Variants in DUOX2 observed in about 807,000 individuals in gnomAD.
DUOX2 encodes the protein NADH/NADPH thyroid oxidase p138-tox.
A neutral mutation model predicts 183.3 loss-of-function variants in DUOX2; 185 were observed. The ratio of observed to expected loss-of-function variants is 1.01; its 90% CI spans 0.90 to 1.14. The LOEUF is 1.14. DUOX2 is among the 50% of genes most tolerant of loss of function. The pLI is 0.00. For synonymous variants in DUOX2, 788 were observed against 812.4 expected, an observed-to-expected ratio of 0.97 and a Z score of 0.51; for missense variants, 1,999 against 2,022.9, an observed-to-expected ratio of 0.99 and a Z score of 0.23.
intron 18 of DUOX2, 46 bp from the exon 19 acceptor site, chr15:45,104,411 G>A (rs1894162587): frequency 6.3e-7 from 1 of 1,588,614 alleles, no homozygotes. Context: ...AGGAGGTGAA[G>A]CCTATGCTGG....
rs188925579 is a variant in DUOX2, at chr15:45,102,524, T to A, written c.2655-535A>T. On this transcript the variant is annotated intron_variant, in intron 20 of 33. Coordinates refer to ENST00000389039, the MANE Select transcript of DUOX2 (RefSeq NM_001363711.2). ...ACCTGCAGTAGCCAAGCTCTATTCA[T>A]AGGTTGTGCCTCGGGACAGAAAAGA... Among the ~76,000 whole-genome samples, 392 of 152,288 alleles carry A rather than the reference T, an allele frequency of 2.6e-3. 1 individual carries two copies. The highest frequency in any genetic ancestry group is 8.1e-3 in the African/African-American group (337 of 41,548).
In DUOX2 at chr15:45,109,645, C is replaced by T. The variant is rs1161383185; in HGVS notation, c.1132-19G>A. ...TGGGGTTCTGGAAGTAAACAATGCA[C>T]TCAAGATAGGCCTCTACCCAAAACT... On this transcript the variant is annotated intron_variant, in intron 10 of 33. Coordinates refer to ENST00000389039, the MANE Select transcript of DUOX2 (RefSeq NM_001363711.2). 3 of 1,612,250 alleles carry T rather than the reference C, an allele frequency of 1.9e-6. No homozygotes were observed. Among genetic ancestry groups the T allele is most frequent in the South Asian group, 1.1e-5 (1 of 91,042 alleles).
chr15:45,094,731 G>A lies in DUOX2; in HGVS notation c.4396-40C>T, dbSNP rs750472682. On this transcript the variant is annotated intron_variant, in intron 32 of 33. Transcript: ENST00000389039. ...GCAGGTCAGACCAAAGACAGTCAGG[G>A]CCAGCACTCAGCCCGAGCCAGCCCA... 2.2e-5 allele frequency: 36 copies of A among 1,612,186 alleles called. No individual in the cohort carries two copies. In the Admixed American group the frequency reaches 5.9e-4, roughly 26 times the overall value.
chr15:45,111,890 T>C lies in DUOX2; in HGVS notation c.391A>G (p.Ile131Val), dbSNP rs777892075. Residue 131 changes from isoleucine (I) to valine (V), a missense_variant, in exon 5 of 34, where the codon ATC (isoleucine) becomes GTC (valine). Physicochemically the swap from Ile to Val is conservative, Grantham distance 29 (BLOSUM62 3). Around this residue, in one of 3 missense-constraint regions of DUOX2, gnomAD observed 356 missense variants for 356.4 expected, o/e 1.00. Coordinates refer to ENST00000389039, the MANE Select transcript of DUOX2 (RefSeq NM_001363711.2). ...ACGGGGTCTCCAGGTGGGATGCGGA[T>C]GTTGAGGAACTCGGCGGGGCAACCG... ...TPGCPAEFLN[I>V]RIPPGDPVFD... The C allele has an allele frequency of 1.9e-6, 3 of 1,613,750 alleles. No individual in the cohort carries two copies.
chr15:45,102,917 G>T (rs1894118791), intron 20 of DUOX2, among the ~76,000 whole-genome samples: 1 of 152,232 alleles, frequency 6.6e-6, no homozygotes, highest in Non-Finnish European at 1.5e-5. Context: ...GGGCAGTGGA[G>T]GTTGCAGTGA....
In DUOX2 at chr15:45,093,157, G is replaced by A. The variant is rs993549377; in HGVS notation, c.*993C>T. On this transcript the variant is annotated 3_prime_UTR_variant, in exon 34 of 34. Transcript: ENST00000389039. ...TGTTTCAGCCTGGCTCTTGCGTAAG[G>A]TGACCAGCTGTCCCAATCTGCCTGG... The A allele has an allele frequency of 2.6e-5, 4 of 152,216 alleles. No homozygotes were observed. The highest frequency in any genetic ancestry group is 9.6e-5 in the African/African-American group (4 of 41,458). The allele number at this position is 152,216 out of a possible 1,614,324, so 9.4% of individuals were successfully genotyped here. A position where few individuals can be genotyped will look rare whatever the true frequency, so the allele number is the denominator to read the frequency against.
intron 20 of DUOX2, 107 bp from the exon 21 acceptor site, chr15:45,102,096 C>T (rs957684233): frequency 3.0e-5 from 42 of 1,396,064 alleles, no homozygotes; most frequent in Middle Eastern, 2.4e-4. Flanking sequence ...ACCAGTGACC[C>T]GGGAAATGGC....
chr15:45,108,930 T>A lies in DUOX2; in HGVS notation c.1257A>T (p.Lys419Asn), dbSNP rs1479371383. Residue 419 changes from lysine (K) to asparagine (N), a missense_variant, in exon 12 of 34, where the codon AAA (lysine) becomes AAT (asparagine). By Grantham distance (94) the Lys-to-Asn change is moderately conservative. Coordinates refer to ENST00000389039, the MANE Select transcript of DUOX2 (RefSeq NM_001363711.2). ...DLRDYWPGPG[K>N]FSRTDYVASS... is the part of the protein sequence containing the mutation. Reference sequence around the variant, plus strand: ...TGGCCACATAGTCTGTACGGGAGAATTTGCCAGGGCCAGGCCAGTAATCTG... The same window carrying A: ...TGGCCACATAGTCTGTACGGGAGAAATTGCCAGGGCCAGGCCAGTAATCTG... 6.2e-7 allele frequency: 1 copy of A among 1,614,090 alleles called. No homozygotes were observed.
chr15:45,098,062 G>A lies in DUOX2; in HGVS notation c.3516-4C>T. On this transcript the variant is annotated splice_region_variant and splice_polypyrimidine_tract_variant and intron_variant, in intron 26 of 33. Transcript: ENST00000389039. ...GAACTTCTGGGGAAGCTTGGACCTGGGGGGCAAAGGCACCTTGAGCCTCTG... is the reference window on the plus strand; with the variant it reads ...GAACTTCTGGGGAAGCTTGGACCTGAGGGGCAAAGGCACCTTGAGCCTCTG... 6.8e-6 allele frequency: 11 copies of A among 1,614,050 alleles called. No homozygotes were observed. The highest frequency in any genetic ancestry group is 9.3e-6 in the Non-Finnish European group (11 of 1,179,942).
chr15:45,110,855 G>A, intron 7 of DUOX2, 145 bp from the exon 8 acceptor site: 1 of 1,213,438 alleles, frequency 8.2e-7, no homozygotes, highest in South Asian at 1.5e-5. Flanking sequence ...AGCAGTGTGA[G>A]GCCTGTCCCC....
intron 14 of DUOX2, 59 bp from the exon 15 acceptor site, chr15:45,107,028 T>G: frequency 6.4e-7 from 1 of 1,552,690 alleles, no homozygotes; most frequent in East Asian, 2.4e-5. Context: ...TGGCCAGACC[T>G]CTTTCCCCTC....
rs1388140034 is a variant in DUOX2 at position 45,093,125 on chromosome 15, G to C, written c.*1025C>G. The C allele has an allele frequency of 1.3e-5, 2 of 152,248 alleles. No homozygotes were observed. The highest frequency in any genetic ancestry group is 2.9e-5 in the Non-Finnish European group (2 of 68,038). 9.4% of individuals were successfully genotyped at this position (152,248 alleles called of 1,614,324 possible). A position where few individuals can be genotyped will look rare whatever the true frequency, so the allele number is the denominator to read the frequency against. ...AAGAAAAGTTAAAGAGCTGAGTATG[G>C]AGGGGATGTTTCAGCCTGGCTCTTG... On this transcript the variant is annotated 3_prime_UTR_variant, in exon 34 of 34. Transcript: ENST00000389039.
At chr15:45,105,547 C>T (rs574796426) in intron 18 of DUOX2, 96 bp downstream of exon 18, 6 of 1,457,060 alleles carry the variant, frequency 4.1e-6, no homozygotes, top group Admixed American at 3.4e-5. Context: ...GGCCATAGAG[C>T]GGAAGCTTAG....
chr15:45,109,524 C>A lies in DUOX2; in HGVS notation c.1234G>T (p.Asp412Tyr), dbSNP rs199933270. The A allele has an allele frequency of 5.0e-6, 8 of 1,613,796 alleles. No homozygotes were observed. The highest frequency in any genetic ancestry group is 6.8e-6 in the Non-Finnish European group (8 of 1,179,750). ...CCACCCCTTCTGGCTCTGAGCTCAC[C>A]CCTCAGATCTTCAACCACTATGTTG... is the stretch of plus-strand genomic sequence containing the variant. ...EDNIVVEDLRDYWPGPGKFSR... is the reference protein window; with the variant it reads ...EDNIVVEDLRYYWPGPGKFSR... Residue 412 changes from aspartate (D) to tyrosine (Y), a missense_variant and splice_region_variant, in exon 11 of 34, where the codon GAT (aspartate) becomes TAT (tyrosine). This residue lies in a region of DUOX2 where 1,628 missense variants were observed against 1,608.6 expected (regional missense o/e 1.01). Transcript: ENST00000389039.
intron 26 of DUOX2, among the ~76,000 whole-genome samples, chr15:45,098,432 C>T (rs1396394753): frequency 6.6e-6 from 1 of 152,172 alleles, no homozygotes; most frequent in East Asian, 1.9e-4. Flanking sequence ...TGAATGACTG[C>T]ATGTATCTTG....
Position 45,101,261 on chromosome 15 carries a change from G to T in DUOX2, c.2865C>A (p.Ile955=), listed in dbSNP as rs145038941. 3.3e-5 allele frequency: 54 copies of T among 1,613,330 alleles called. No homozygotes were observed. The African/African-American group carries it at 6.5e-4, about 20-fold the overall frequency. ...GGGGGNGIRD[I]FKQNISCRVS... is the part of the protein sequence containing the mutation. Reference sequence around the variant, plus strand: ...CTCGACAGCTGATGTTTTGTTTAAAGATATCTCTAATACCTAGAGAAAAGA... The same window carrying T: ...CTCGACAGCTGATGTTTTGTTTAAATATATCTCTAATACCTAGAGAAAAGA... Residue 955 remains isoleucine (I), a synonymous_variant, in exon 22 of 34, where the codon ATC becomes ATA. Transcript: ENST00000389039.
chr15:45,095,745 A>G, intron 30 of DUOX2, 83 bp downstream of exon 30: 2 of 1,544,124 alleles, frequency 1.3e-6, no homozygotes, highest in Non-Finnish European at 1.8e-6. Context: ...GGACGGCTGG[A>G]GCTTCTAGTC....
At chr15:45,094,519 C>T (rs968140692) in intron 33 of DUOX2, 44 bp downstream of exon 33, 19 of 1,585,774 alleles carry the variant, frequency 1.2e-5, no homozygotes, top group Admixed American at 1.1e-4. Context: ...GATGTCCTGG[C>T]AGGAGAAGGC....
intron 29 of DUOX2, 140 bp downstream of exon 29, chr15:45,097,098 G>T (rs1308879724): frequency 7.8e-7 from 1 of 1,287,726 alleles, no homozygotes; most frequent in Non-Finnish European, 1.1e-6. Context: ...AGGAACCCCC[G>T]AGAGTGGTTT....
Sources: gnomAD v4.1 joint callset for allele counts (sites outside exome capture counted in the v4.1 genomes callset) on GRCh38, gnomAD v4.1.1 for gene constraint, gnomAD v4.1.1 regional missense constraint, MANE v1.5 for transcripts, NCBI Gene and HGNC (gene_info 2026-07-23, HGNC 2026-07-21) for gene names.